LARP1: variants seen among roughly 807,000 people sequenced by gnomAD.
LARP1 encodes La ribonucleoprotein 1, translational regulator.
A neutral mutation model predicts 122.7 loss-of-function variants in LARP1; 36 were observed. That is an observed-to-expected ratio of 0.29 (90% confidence interval 0.22 to 0.39). LARP1 has a LOEUF of 0.39. Among genes scored for constraint, LARP1 ranks in the 10% least tolerant of loss-of-function variants. The pLI, the probability that LARP1 is intolerant of heterozygous loss-of-function variation, is 1.00. For missense variants in LARP1, 1,040 were observed against 1,403.6 expected (o/e 0.74, Z 4.14); for synonymous variants, 539 against 528.7 (o/e 1.02, Z -0.27).
At chr5:154,686,987 C>T (rs973129461) in intron 1 of LARP1, among the ~76,000 whole-genome samples, 2 of 152,206 alleles carry the variant, frequency 1.3e-5, no homozygotes, top group South Asian at 2.1e-4. Flanking sequence ...AGAGAGAAAT[C>T]AGTCTCTGTC....
chr5:154,813,513 G>A (rs375995063), intron 18 of LARP1, among the ~76,000 whole-genome samples: 1 of 152,168 alleles, frequency 6.6e-6, no homozygotes, highest in East Asian at 1.9e-4. Context: ...ATCCCTTCTT[G>A]GAAGGGAAGC....
At chr5:154,764,000 G>T (rs1754695528) in intron 1 of LARP1, among the ~76,000 whole-genome samples, 1 of 151,976 alleles carries the variant, frequency 6.6e-6, no homozygotes, top group Admixed American at 6.6e-5. Context: ...GGGCAACAGA[G>T]CAGGACTGTC....
At chr5:154,790,422 C>G (rs369029809) in intron 2 of LARP1, 36 bp downstream of exon 2, 131 of 1,592,998 alleles carry the variant, frequency 8.2e-5, no homozygotes, top group African/African-American at 1.3e-4. Flanking sequence ...AGGGGACTTT[C>G]TGGAGTTGGT....
chr5:154,811,197 G>C (rs370614103), intron 16 of LARP1, 50 bp from the exon 17 acceptor site: 28 of 1,395,558 alleles, frequency 2.0e-5, no homozygotes, highest in Non-Finnish European at 2.6e-5. Flanking sequence ...CACATTTCCC[G>C]TTTTACAGAT....
intron 1 of LARP1, among the ~76,000 whole-genome samples, chr5:154,763,383 C>T (rs1050099660): frequency 1.3e-4 from 20 of 151,646 alleles, no homozygotes; most frequent in African/African-American, 4.8e-4. Context: ...CTTTTTATTC[C>T]CACTTCACAG....
intron 1 of LARP1, among the ~76,000 whole-genome samples, chr5:154,727,584 T>A (rs1313648545): frequency 6.6e-6 from 1 of 152,196 alleles, no homozygotes; most frequent in African/African-American, 2.4e-5. Flanking sequence ...TATTACACAA[T>A]GTGGTGACTA....
At chr5:154,697,574 C>T (rs1380449665) in intron 1 of LARP1, among the ~76,000 whole-genome samples, 1 of 152,188 alleles carries the variant, frequency 6.6e-6, no homozygotes. Context: ...GAATGTTATT[C>T]AGCCATAACA....
intron 3 of LARP1, among the ~76,000 whole-genome samples, chr5:154,791,175 C>G (rs1020952193): frequency 6.8e-6 from 1 of 146,950 alleles, no homozygotes; most frequent in Non-Finnish European, 1.5e-5. Context: ...CGCTCAGTCA[C>G]CCAGGCTGGA....
chr5:154,767,109 A>C (rs1755015886), intron 1 of LARP1, among the ~76,000 whole-genome samples: 1 of 152,140 alleles, frequency 6.6e-6, no homozygotes, highest in South Asian at 2.1e-4. Flanking sequence ...TTGAGCATGA[A>C]CTTGGGACAG....
At chr5:154,797,241 T>G (rs1379879168) in intron 8 of LARP1, among the ~76,000 whole-genome samples, 1 of 134,912 alleles carries the variant, frequency 7.4e-6, no homozygotes, top group African/African-American at 2.8e-5. Context: ...TTTTTTTTTT[T>G]TTTTTTTTTG....
chr5:154,696,440 A>T (rs1283241137), intron 1 of LARP1, among the ~76,000 whole-genome samples: 6 of 152,234 alleles, frequency 3.9e-5, no homozygotes, highest in Admixed American at 2.0e-4. Flanking sequence ...TGCATGGTTC[A>T]TTAGTAAACT....
intron 1 of LARP1, among the ~76,000 whole-genome samples, chr5:154,707,173 CTT>C (rs896143972): frequency 6.6e-6 from 1 of 152,094 alleles, no homozygotes; most frequent in African/African-American, 2.4e-5. Context: ...AATCCCAGCA[CTT>C]TGGGAGGCTG....
chr5:154,805,020 C>T (rs1057256934), intron 14 of LARP1: 42 of 415,000 alleles, frequency 1.0e-4, no homozygotes, highest in Non-Finnish European at 1.3e-4. Context: ...TTACCAATAA[C>T]ATATAGTCAA....
At chr5:154,694,270 ATTTTGAGACAGGGT>A (rs1165109352) in intron 1 of LARP1, among the ~76,000 whole-genome samples, 4 of 152,086 alleles carry the variant, frequency 2.6e-5, no homozygotes, top group Non-Finnish European at 5.9e-5. Flanking sequence ...TTATTTATTT[ATTTTGAGACAGGGT>A]CTCACTCTGT....
chr5:154,745,355 C>G (rs1753135290), intron 1 of LARP1, among the ~76,000 whole-genome samples: 1 of 152,206 alleles, frequency 6.6e-6, no homozygotes, highest in African/African-American at 2.4e-5. Flanking sequence ...GTTCCACCTT[C>G]TTTGTGGGAT....
rs77800575 is a variant in LARP1 at position 154,697,674 on chromosome 5, T to C, written c.-180+14637T>C. ...GAAGCCAGTCTCAAATGACCACATA[T>C]TATGATTCCATTTATATGAATGTCC... On this transcript the variant is annotated intron_variant, in intron 1 of 18. Coordinates refer to the LARP1 transcript ENST00000687700. Among the ~76,000 whole-genome samples, 375 of 152,340 alleles carry C rather than the reference T, an allele frequency of 2.5e-3. 2 individuals carry two copies. Among genetic ancestry groups the C allele is most frequent in the Middle Eastern group, 6.8e-3 (2 of 294 alleles).
chr5:154,805,541 C>T (rs1758705083), intron 14 of LARP1, among the ~76,000 whole-genome samples: 1 of 152,174 alleles, frequency 6.6e-6, no homozygotes, highest in African/African-American at 2.4e-5. Flanking sequence ...GATGGATTGA[C>T]CCATGATGGC....
chr5:154,684,254 G>A (rs1281582235), intron 1 of LARP1, among the ~76,000 whole-genome samples: 1 of 152,002 alleles, frequency 6.6e-6, no homozygotes, highest in East Asian at 1.9e-4. Context: ...GACCAGCCTG[G>A]GCAACATGGT....
chr5:154,754,975 G>T (rs530409408), upstream of LARP1, among the ~76,000 whole-genome samples: 1 of 152,274 alleles, frequency 6.6e-6, no homozygotes, highest in East Asian at 1.9e-4. Context: ...CGCGTGGCCG[G>T]GTCCCATGTG....
Sources: allele counts gnomAD v4.1 joint callset (sites outside exome capture counted in the v4.1 genomes callset), GRCh38; gene constraint gnomAD v4.1.1; transcripts MANE v1.5; gene names NCBI Gene and HGNC (gene_info 2026-07-23, HGNC 2026-07-21).